Variants in ARAP3 observed in about 807,000 individuals in gnomAD.
ARAP3 encodes the protein arf-GAP with Rho-GAP domain, ANK repeat and PH domain-containing protein 3.
A neutral mutation model predicts 169.2 loss-of-function variants in ARAP3; 82 were observed. The ratio of observed to expected loss-of-function variants is 0.48; its 90% CI spans 0.41 to 0.58. The LOEUF (loss-of-function observed/expected upper bound fraction) is 0.58. Ranked by LOEUF, ARAP3 falls within the 20% of genes least tolerant of loss-of-function variation. The probability of loss-of-function intolerance (pLI) is 0.00; values close to 1 mark genes in which losing one functional copy is unlikely to be tolerated. For missense variants in ARAP3, 1,764 were observed against 2,018.0 expected (o/e 0.87, Z 2.41); for synonymous variants, 791 against 800.3 (o/e 0.99, Z 0.20).
Position 141,662,069 on chromosome 5 carries a change from A to G in ARAP3, c.2987T>C (p.Leu996Ser). The G allele has an allele frequency of 1.2e-6, 2 of 1,614,186 alleles. No homozygotes were observed. Among genetic ancestry groups the G allele is most frequent in the Admixed American group, 1.7e-5 (1 of 60,020 alleles). Reference sequence around the variant, plus strand: ...AGCAGCCTCCCTCCAGCGAGGCAGCAACCGTGCAGAGGTCACAGGGTCATC... The same window carrying G: ...AGCAGCCTCCCTCCAGCGAGGCAGCGACCGTGCAGAGGTCACAGGGTCATC... ...ELDDPVTSAR[L>S]LPRWREAAEL... The change falls in exon 20 of 33, where the codon TTG becomes TCG. Residue 996 changes from leucine (L) to serine (S), a missense_variant. Leu to Ser is a moderately radical substitution (Grantham distance 145). This residue lies in a region of ARAP3 where 1,112 missense variants were observed against 1,285.7 expected (regional missense o/e 0.86). Coordinates refer to ENST00000239440, the MANE Select transcript of ARAP3 (RefSeq NM_022481.6).
chr5:141,681,902 C>T (rs2099913052), intron 1 of ARAP3, among the ~76,000 whole-genome samples: 1 of 146,800 alleles, frequency 6.8e-6, no homozygotes, highest in South Asian at 2.3e-4. Context: ...TGACTCAGGC[C>T]GGGCTCGACA....
rs76506116 is a variant in ARAP3 at position 141,659,206 on chromosome 5, T to C, written c.3336+202A>G. 4.6e-3 allele frequency among the ~76,000 whole-genome samples: 699 copies of C among 152,308 alleles called. 7 individuals carry two copies. The highest frequency in any genetic ancestry group is 0.015 in the African/African-American group (637 of 41,556). On this transcript the variant is annotated intron_variant, in intron 23 of 32. Transcript: ENST00000239440. ...AGATTATCACCAGGAAGAATCCTCA[T>C]GGTGGAACAAATGGAGCAAACCCTA... is the stretch of plus-strand genomic sequence containing the variant.
intron 16 of ARAP3, among the ~76,000 whole-genome samples, chr5:141,668,773 C>G (rs2099911031): frequency 6.6e-6 from 1 of 152,122 alleles, no homozygotes; most frequent in Admixed American, 6.5e-5. Context: ...GCAGAGATGA[C>G]CTGGTGAGGC....
At chr5:141,679,889 C>A in intron 2 of ARAP3, 67 bp from the exon 3 acceptor site, 6 of 1,610,918 alleles carry the variant, frequency 3.7e-6, no homozygotes, top group Non-Finnish European at 5.1e-6. Context: ...TGCCCTGCTC[C>A]CCGCCTCCGT....
rs892854519 is a variant in ARAP3 at position 141,666,045 on chromosome 5, A to C, written c.2572+379T>G. 1.1e-4 allele frequency among the ~76,000 whole-genome samples: 16 copies of C among 146,184 alleles called. 1 individual carries two copies. The highest frequency in any genetic ancestry group is 1.6e-4 in the Non-Finnish European group (11 of 66,700). On this transcript the variant is annotated intron_variant, in intron 17 of 32. Transcript: ENST00000239440. ...CAGAGCGTGACTCTGTCTCCAAAAA[A>C]AAAAAAAAATAATAATAATAATAAT...
Position 141,664,977 on chromosome 5 carries a change from G to A in ARAP3, c.2745C>T (p.Ser915=). The A allele has an allele frequency of 1.9e-6, 3 of 1,613,102 alleles. No homozygotes were observed. Among genetic ancestry groups the A allele is most frequent in the Non-Finnish European group, 8.5e-7 (1 of 1,179,852 alleles). The change falls in exon 19 of 33, where the codon AGC becomes AGT. Residue 915 remains serine, a synonymous_variant. Transcript: ENST00000239440. The part of the protein sequence containing the change: ...GGTGLQEQQM[S]RGDIPIIVDA... ...CCACGATGATGGGGATGTCACCCCG[G>A]CTCATCTGCTGCTCCTGCAGCCCTG...
chr5:141,661,326 G>T (rs1343388821), intron 21 of ARAP3, among the ~76,000 whole-genome samples: 2 of 152,126 alleles, frequency 1.3e-5, no homozygotes, highest in African/African-American at 2.4e-5. Flanking sequence ...GCTTCCCAAA[G>T]TGTTGGGATT....
Position 141,659,798 on chromosome 5 carries a change from C to G in ARAP3, c.3248G>C (p.Gly1083Ala). 1.2e-6 allele frequency: 2 copies of G among 1,612,542 alleles called. No homozygotes were observed. Among genetic ancestry groups the G allele is most frequent in the Non-Finnish European group, 1.7e-6 (2 of 1,179,130 alleles). The change falls in exon 22 of 33, where the codon GGC (glycine) becomes GCC (alanine). Residue 1083 changes from glycine (G) to alanine (A), a missense_variant. By Grantham distance (60) the Gly-to-Ala change is moderately conservative. Coordinates refer to ENST00000239440, the MANE Select transcript of ARAP3 (RefSeq NM_022481.6). ...EVRVLQELID[G>A]YISVFDIDSD... ...CCTTACATCAAAGACAGAGATGTAG[C>G]CATCAATGAGCTCTTGCAGCACTCG... is the stretch of plus-strand genomic sequence containing the variant.
At position 141,671,656 on chromosome 5, in the gene ARAP3, G is replaced by A. The variant is rs1385620143; in HGVS notation, c.1768C>T (p.Arg590Trp). ...GLHPDATPGP[R>W]GEFISRKYRL... is the part of the protein sequence containing the mutation. ...TACTTTCGGGAGATGAACTCTCCCC[G>A]GGGGCCAGGGGTCGCATCTGGATGT... The change falls in exon 12 of 33, where the codon CGG becomes TGG. Residue 590 changes from arginine to tryptophan, a missense_variant. Coordinates refer to ENST00000239440, the MANE Select transcript of ARAP3 (RefSeq NM_022481.6). This position sits in a 1 kb window ranked among gnomAD's most constrained non-coding sequence, Gnocchi z 4.9. 5 of 1,613,876 alleles carry A rather than the reference G, an allele frequency of 3.1e-6. No individual in the cohort carries two copies. Among genetic ancestry groups the A allele is most frequent in the East Asian group, 2.2e-5 (1 of 44,872 alleles).
intron 21 of ARAP3, 28 bp downstream of exon 21, chr5:141,661,656 G>A (rs1180885374): frequency 1.3e-6 from 2 of 1,594,224 alleles, no homozygotes; most frequent in Admixed American, 1.7e-5. Context: ...GTGAGGAAGG[G>A]TTCTGCAGAG....
intron 16 of ARAP3, among the ~76,000 whole-genome samples, chr5:141,667,839 C>T (rs1185451320): frequency 1.3e-5 from 2 of 150,970 alleles, no homozygotes; most frequent in African/African-American, 2.4e-5. Context: ...GTCAGGAGTT[C>T]GAGACCAGCC....
intron 4 of ARAP3, among the ~76,000 whole-genome samples, chr5:141,675,944 C>T (rs1019601846): frequency 6.6e-6 from 1 of 152,214 alleles, no homozygotes; most frequent in South Asian, 2.1e-4. Context: ...GCCCTTAATC[C>T]TATTCCTCTC....
chr5:141,654,576 T>G, intron 32 of ARAP3, 141 bp from the exon 33 acceptor site: 1 of 1,217,128 alleles, frequency 8.2e-7, no homozygotes, highest in South Asian at 1.6e-5. Context: ...CCCTGTGCAG[T>G]GGGTTACACT....
At chr5:141,659,203 T>G (rs1269385548) in intron 23 of ARAP3, among the ~76,000 whole-genome samples, 3 of 152,160 alleles carry the variant, frequency 2.0e-5, no homozygotes, top group African/African-American at 7.2e-5. Context: ...GGAAGAATCC[T>G]CATGGTGGAA....
chr5:141,679,645 C>T lies in ARAP3; in HGVS notation c.598G>A (p.Asp200Asn), dbSNP rs1596500080. The T allele has an allele frequency of 2.5e-6, 4 of 1,614,116 alleles. No individual in the cohort carries two copies. The highest frequency in any genetic ancestry group is 2.2e-5 in the East Asian group (1 of 44,858). Residue 200 changes from aspartate to asparagine, a missense_variant, in exon 4 of 33, where the codon GAT (aspartate) becomes AAT (asparagine). Transcript: ENST00000239440. Reference sequence around the variant, plus strand: ...ACACCATAGTACAGGCAACCAGGATCCATGATGTGCACTGGCAGGAGGAGA... The same window carrying T: ...ACACCATAGTACAGGCAACCAGGATTCATGATGTGCACTGGCAGGAGGAGA... ...RPTTGTVHIM[D>N]PGCLYYGVQP...
In ARAP3 at chr5:141,672,686, G is replaced by T; in HGVS notation, c.1279-28C>A. ...GGTGGGGTCAGGGGGTGGGCATCAT[G>T]AGGTGCCAGAAGGGACTAGTTCAGG... On this transcript the variant is annotated intron_variant, in intron 8 of 32. Coordinates refer to ENST00000239440, the MANE Select transcript of ARAP3 (RefSeq NM_022481.6). The surrounding 1 kb of genome is among the most constrained non-coding windows in gnomAD (Gnocchi z 4.9). 1 of 1,613,914 alleles carries T rather than the reference G, an allele frequency of 6.2e-7. No individual in the cohort carries two copies. Among genetic ancestry groups the T allele is most frequent in the South Asian group, 1.1e-5 (1 of 91,066 alleles).
At position 141,673,005 on chromosome 5, in the gene ARAP3, G is replaced by GCCCTCAC. The variant is rs1562421813; in HGVS notation, c.1093+1_1093+7dup. 6.2e-7 allele frequency: 1 copy of GCCCTCAC among 1,614,168 alleles called. No homozygotes were observed. Among genetic ancestry groups the GCCCTCAC allele is most frequent in the Non-Finnish European group, 8.5e-7 (1 of 1,180,022 alleles). On this transcript the variant is annotated splice_region_variant and intron_variant, in intron 7 of 32. Transcript: ENST00000239440. Reference sequence around the variant, plus strand: ...TCCTGCCCTGACTCAGGGGGCTGTGGCCCTCACCCTCGCTCTCTGTGCGGA... The same window carrying GCCCTCAC: ...TCCTGCCCTGACTCAGGGGGCTGTGGCCCTCACCCCTCACCCTCGCTCTCTGTGCGGA...
chr5:141,659,495 A>G lies in ARAP3; in HGVS notation c.3268-19T>C. On this transcript the variant is annotated intron_variant, in intron 22 of 32. Transcript: ENST00000239440. ...AATCGATCTGTGAAAGAGCCAAAAGAGAGTGTTGGGGTGCTGGAAGAGGAT... is the reference window on the plus strand; with the variant it reads ...AATCGATCTGTGAAAGAGCCAAAAGGGAGTGTTGGGGTGCTGGAAGAGGAT... 6.2e-7 allele frequency: 1 copy of G among 1,613,684 alleles called. No homozygotes were observed. The highest frequency in any genetic ancestry group is 8.5e-7 in the Non-Finnish European group (1 of 1,179,582).
intron 23 of ARAP3, among the ~76,000 whole-genome samples, chr5:141,659,079 G>A (rs532235662): frequency 4.6e-5 from 7 of 152,222 alleles, no homozygotes; most frequent in African/African-American, 1.7e-4. Flanking sequence ...TATTCTCACT[G>A]CTTTGTCTGA....
Sources: gnomAD v4.1 joint callset for allele counts (sites outside exome capture counted in the v4.1 genomes callset) on GRCh38, gnomAD v4.1.1 for gene constraint, gnomAD v4.1.1 regional missense constraint, Gnocchi (gnomAD v3.1) non-coding constraint, MANE v1.5 for transcripts, NCBI Gene and HGNC (gene_info 2026-07-23, HGNC 2026-07-21) for gene names.